The following JAZF1 variants were observed in gnomAD, a reference collection of about 807,000 sequenced individuals.
JAZF1 encodes the protein JAZF zinc finger 1, also known as juxtaposed with another zinc finger protein 1.
In JAZF1, 8 loss-of-function variants were observed where a neutral mutation model predicts 26.4. The ratio of observed to expected loss-of-function variants is 0.30; its 90% CI spans 0.18 to 0.55. JAZF1 has a LOEUF of 0.55. JAZF1 is among the 20% of genes least tolerant of loss of function. The pLI, the probability that JAZF1 is intolerant of heterozygous loss-of-function variation, is 0.94. For synonymous variants in JAZF1, 126 were observed against 122.3 expected, an observed-to-expected ratio of 1.03 and a Z score of -0.20; for missense variants, 199 against 322.0, an observed-to-expected ratio of 0.62 and a Z score of 2.92.
chr7:28,011,557 T>G (rs1782799915), intron 1 of JAZF1, among the ~76,000 whole-genome samples: 1 of 152,208 alleles, frequency 6.6e-6, no homozygotes. Flanking sequence ...GGTAAACATT[T>G]ACGTCATCTT....
At chr7:28,090,725 C>T (rs899782255) in intron 1 of JAZF1, among the ~76,000 whole-genome samples, 12 of 152,066 alleles carry the variant, frequency 7.9e-5, no homozygotes, top group East Asian at 1.9e-4. Flanking sequence ...CCAGCTTACC[C>T]GACTTTTAAC....
Position 27,978,949 on chromosome 7 carries a change from T to C in JAZF1, c.188+12960A>G, listed in dbSNP as rs377699343. Among the ~76,000 whole-genome samples, 85 of 151,312 alleles carry C rather than the reference T, an allele frequency of 5.6e-4. No individual in the cohort carries two copies. The South Asian group carries it at 0.017, about 30-fold the overall frequency. ...GAGAGAGAGAGGGACAGTGTGAGAG[T>C]GAGTGCATGTGAAACTGGTGAATAT... On this transcript the variant is annotated intron_variant, in intron 2 of 4. Transcript: ENST00000283928.
At chr7:28,023,426 G>T (rs1783040299) in intron 1 of JAZF1, among the ~76,000 whole-genome samples, 1 of 152,192 alleles carries the variant, frequency 6.6e-6, no homozygotes, top group Non-Finnish European at 1.5e-5. Flanking sequence ...CATTCATGAG[G>T]AAAACTAAGG....
intron 1 of JAZF1, among the ~76,000 whole-genome samples, chr7:28,169,805 G>A (rs1266553812): frequency 1.3e-5 from 2 of 152,150 alleles, no homozygotes. Flanking sequence ...AGATTCCCCT[G>A]CTTTTGCCAT....
At chr7:27,913,141 GCCT>G (rs1399626167) in intron 2 of JAZF1, among the ~76,000 whole-genome samples, 5 of 151,738 alleles carry the variant, frequency 3.3e-5, no homozygotes, top group African/African-American at 1.2e-4. Flanking sequence ...TCCAGAATCT[GCCT>G]CCTCATTAGG....
intron 1 of JAZF1, among the ~76,000 whole-genome samples, chr7:28,141,199 GA>G (rs11332941): frequency 0.77 from 116,803 of 152,132 alleles, 45,340 homozygotes; most frequent in East Asian, 0.98. Context: ...ACAACTCAGA[GA>G]ACATGTGACT....
At chr7:28,088,147 C>T (rs2127919922) in intron 1 of JAZF1, among the ~76,000 whole-genome samples, 1 of 152,330 alleles carries the variant, frequency 6.6e-6, no homozygotes, top group South Asian at 2.1e-4. Context: ...AACAGTCACT[C>T]AGGGTTAACA....
intron 2 of JAZF1, among the ~76,000 whole-genome samples, chr7:27,912,853 A>G (rs1354951947): frequency 6.6e-6 from 1 of 152,106 alleles, no homozygotes; most frequent in Non-Finnish European, 1.5e-5. Flanking sequence ...CAGCTGGGAA[A>G]AGACTGGAGA....
At chr7:27,955,270 T>C (rs1215945098) in intron 2 of JAZF1, among the ~76,000 whole-genome samples, 1 of 152,242 alleles carries the variant, frequency 6.6e-6, no homozygotes, top group Non-Finnish European at 1.5e-5. Context: ...GATGCCAACA[T>C]GCATTCCCTG....
chr7:28,103,964 C>A (rs150438833), intron 1 of JAZF1, among the ~76,000 whole-genome samples: 5 of 152,326 alleles, frequency 3.3e-5, no homozygotes, highest in Non-Finnish European at 5.9e-5. Flanking sequence ...CGCAAACTGG[C>A]CTACGTGGGT....
intron 3 of JAZF1, 29 bp downstream of exon 3, chr7:27,895,191 T>C (rs937794412): frequency 2.7e-5 from 40 of 1,485,290 alleles, no homozygotes; most frequent in Non-Finnish European, 3.5e-5. Flanking sequence ...CTCTCCTCCT[T>C]CTCAAGGCGG....
At chr7:27,972,263 A>C (rs1350643294) in intron 2 of JAZF1, among the ~76,000 whole-genome samples, 2 of 152,226 alleles carry the variant, frequency 1.3e-5, no homozygotes, top group African/African-American at 2.4e-5. Context: ...CCTGCTGCGC[A>C]AGTGACATCT....
chr7:28,000,622 C>CTTTTTTT (rs1190147547), intron 1 of JAZF1, among the ~76,000 whole-genome samples: 24 of 62,076 alleles, frequency 3.9e-4, no homozygotes, highest in African/African-American at 9.8e-4. Context: ...TTCTTTCTTT[C>CTTTTTTT]TTTTTTTTTT....
At chr7:27,875,752 G>C (rs1252312202) in intron 3 of JAZF1, among the ~76,000 whole-genome samples, 3 of 152,170 alleles carry the variant, frequency 2.0e-5, no homozygotes, top group African/African-American at 7.2e-5. Context: ...TGGGATACTG[G>C]GGTTATGTCT....
intron 1 of JAZF1, among the ~76,000 whole-genome samples, chr7:28,092,130 T>A (rs1226934520): frequency 6.6e-6 from 1 of 151,786 alleles, no homozygotes; most frequent in East Asian, 1.9e-4. Flanking sequence ...AACACAATGT[T>A]GTATTTGTGT....
At chr7:28,097,720 G>A (rs1210561121) in intron 1 of JAZF1, among the ~76,000 whole-genome samples, 1 of 152,134 alleles carries the variant, frequency 6.6e-6, no homozygotes, top group East Asian at 1.9e-4. Context: ...TGAATGAAGG[G>A]GAAGGTTCGG....
intron 1 of JAZF1, among the ~76,000 whole-genome samples, chr7:28,050,389 G>A (rs769826233): frequency 7.2e-5 from 11 of 152,146 alleles, no homozygotes; most frequent in Non-Finnish European, 1.3e-4. Flanking sequence ...TGGGGGTGAT[G>A]AAAATGTCCT....
intron 2 of JAZF1, among the ~76,000 whole-genome samples, chr7:27,946,854 T>C (rs1177550905): frequency 7.9e-5 from 12 of 152,366 alleles, no homozygotes; most frequent in African/African-American, 2.4e-4. Context: ...GTCCTTGAAC[T>C]TGTGTCTACA....
At chr7:27,957,349 A>G (rs189933296) in intron 2 of JAZF1, among the ~76,000 whole-genome samples, 16 of 152,302 alleles carry the variant, frequency 1.1e-4, no homozygotes, top group African/African-American at 3.9e-4. Flanking sequence ...ATTTTATAGG[A>G]TATGATGACA....
Sources: allele counts gnomAD v4.1 joint callset (sites outside exome capture counted in the v4.1 genomes callset), GRCh38; gene constraint gnomAD v4.1.1; transcripts MANE v1.5; gene names NCBI Gene and HGNC (gene_info 2026-07-23, HGNC 2026-07-21).